Variants in DPP6 observed in about 807,000 individuals in gnomAD.
DPP6 encodes dipeptidyl peptidase like 6.
A neutral mutation model predicts 122.6 loss-of-function variants in DPP6; 69 were observed. That is an observed-to-expected ratio of 0.56 (90% confidence interval 0.46 to 0.69). DPP6 has a LOEUF of 0.69. Among genes scored for constraint, DPP6 ranks in the 30% least tolerant of loss-of-function variants. The pLI is 0.00. For missense variants in DPP6, 928 were observed against 1,116.9 expected (o/e 0.83, Z 2.41); for synonymous variants, 418 against 433.1 (o/e 0.97, Z 0.43).
intron 7 of DPP6, among the ~76,000 whole-genome samples, chr7:154,725,760 A>G (rs1037360134): frequency 2.0e-5 from 3 of 152,160 alleles, no homozygotes; most frequent in Non-Finnish European, 2.9e-5. Flanking sequence ...TCCAGCATTA[A>G]CCCAAAAGTC....
chr7:154,078,887 A>AT (rs1365972964), intron 1 of DPP6, among the ~76,000 whole-genome samples: 2 of 146,416 alleles, frequency 1.4e-5, no homozygotes, highest in Non-Finnish European at 3.0e-5. Context: ...GATTTTTTAA[A>AT]TTTTTTTAAA....
chr7:154,220,426 A>G (rs904722385), intron 1 of DPP6, among the ~76,000 whole-genome samples: 1 of 152,196 alleles, frequency 6.6e-6, no homozygotes, highest in Non-Finnish European at 1.5e-5. Flanking sequence ...TAACTGGGGA[A>G]GGTGGGAGGA....
chr7:154,362,539 T>A (rs1586055984), intron 1 of DPP6, among the ~76,000 whole-genome samples: 1 of 151,906 alleles, frequency 6.6e-6, no homozygotes, highest in East Asian at 1.9e-4. Context: ...CTCAGCATCC[T>A]GAGTAGCTGG....
chr7:153,914,349 G>A (rs1800216554), intron 1 of DPP6, among the ~76,000 whole-genome samples: 2 of 152,060 alleles, frequency 1.3e-5, no homozygotes, highest in South Asian at 4.1e-4. Flanking sequence ...TTTTTCAGTA[G>A]CATGAGAACA....
chr7:154,220,392 A>T (rs1363456838), intron 1 of DPP6, among the ~76,000 whole-genome samples: 2 of 152,180 alleles, frequency 1.3e-5, no homozygotes, highest in Admixed American at 1.3e-4. Flanking sequence ...ACAAAAAAAG[A>T]TACAATAGAC....
chr7:153,857,557 T>C, the DPP6 span, among the ~76,000 whole-genome samples: 1 of 152,116 alleles, frequency 6.6e-6, no homozygotes, highest in Non-Finnish European at 1.5e-5. Context: ...CCGGAGAAGG[T>C]TTGGGGATAT....
rs769056037 is a variant in DPP6 at position 154,892,488 on chromosome 7, T to A, written c.*8T>A. On this transcript the variant is annotated 3_prime_UTR_variant, in exon 26 of 26. Transcript: ENST00000377770. The stretch of plus-strand genomic sequence containing the variant: ...GACGAGGAGGAGGACTAAGCTCAGG[T>A]CGCTCTAAGCACAAACGTGGCTCTT... 9.3e-6 allele frequency: 15 copies of A among 1,609,758 alleles called. No homozygotes were observed. The South Asian group carries it at 1.6e-4, about 18-fold the overall frequency.
intron 1 of DPP6, among the ~76,000 whole-genome samples, chr7:154,268,198 A>C (rs1803562472): frequency 6.6e-6 from 1 of 152,222 alleles, no homozygotes; most frequent in African/African-American, 2.4e-5. Context: ...CACCATCAAC[A>C]CTGTCTACAA....
chr7:154,550,758 TTTTTTTTTTGAGACGAA>T (rs1487783065), intron 4 of DPP6, among the ~76,000 whole-genome samples: 1 of 150,904 alleles, frequency 6.6e-6, no homozygotes, highest in Non-Finnish European at 1.5e-5. Context: ...CTTTTTTTTT[TTTTTTTTTTGAGACGAA>T]GTTTTGCTCT....
intron 1 of DPP6, among the ~76,000 whole-genome samples, chr7:154,126,242 T>G (rs1332484538): frequency 6.6e-6 from 1 of 152,132 alleles, no homozygotes; most frequent in East Asian, 1.9e-4. Flanking sequence ...GCATTTTGGT[T>G]GGTTGGTTGG....
At chr7:154,493,993 T>G (rs2151391935) in intron 3 of DPP6, among the ~76,000 whole-genome samples, 1 of 152,356 alleles carries the variant, frequency 6.6e-6, no homozygotes, top group African/African-American at 2.4e-5. Context: ...AGTTCTTATC[T>G]TACTTAGATG....
intron 4 of DPP6, among the ~76,000 whole-genome samples, chr7:154,542,472 A>G (rs1266738792): frequency 1.3e-5 from 2 of 152,240 alleles, no homozygotes; most frequent in Non-Finnish European, 2.9e-5. Context: ...AGCAGCACTT[A>G]GCAATGAAAT....
At chr7:153,797,492 ATACTG>A in the DPP6 span, among the ~76,000 whole-genome samples, 1 of 152,162 alleles carries the variant, frequency 6.6e-6, no homozygotes, top group Non-Finnish European at 1.5e-5. Flanking sequence ...AGTTCATAAT[ATACTG>A]TAGGAGGAAG....
chr7:154,615,921 C>T (rs1050359952), intron 5 of DPP6, among the ~76,000 whole-genome samples: 4 of 152,196 alleles, frequency 2.6e-5, no homozygotes, highest in East Asian at 3.8e-4. Context: ...GGTAAGTCTC[C>T]CTCTGCCTGA....
intron 1 of DPP6, among the ~76,000 whole-genome samples, chr7:154,311,457 G>A (rs529317095): frequency 2.6e-5 from 4 of 151,462 alleles, no homozygotes; most frequent in South Asian, 2.1e-4. Context: ...TGATCACACC[G>A]CTGAACTCTA....
chr7:153,999,183 A>G (rs6464378), intron 1 of DPP6, among the ~76,000 whole-genome samples: 20,607 of 152,156 alleles, frequency 0.14, 1,773 homozygotes, highest in African/African-American at 0.26. Context: ...ATGTGGGACA[A>G]TCTTCTCGAG....
At chr7:154,847,776 T>C (rs1438077654) in intron 16 of DPP6, among the ~76,000 whole-genome samples, 1 of 152,204 alleles carries the variant, frequency 6.6e-6, no homozygotes, top group Non-Finnish European at 1.5e-5. Flanking sequence ...TCCTCCCGTC[T>C]AACTGAAACT....
chr7:154,646,089 C>T (rs1265213712), intron 6 of DPP6, among the ~76,000 whole-genome samples: 2 of 149,188 alleles, frequency 1.3e-5, no homozygotes, highest in African/African-American at 2.5e-5. Context: ...CAAGACCTTC[C>T]ATAATATGGC....
chr7:154,008,818 C>A (rs1359575237), intron 1 of DPP6, among the ~76,000 whole-genome samples: 1 of 151,674 alleles, frequency 6.6e-6, no homozygotes, highest in Non-Finnish European at 1.5e-5. Context: ...CCCGCCACTA[C>A]GCCCGGCTAA....
Sources: allele counts gnomAD v4.1 joint callset (sites outside exome capture counted in the v4.1 genomes callset), GRCh38; gene constraint gnomAD v4.1.1; transcripts MANE v1.5; gene names NCBI Gene and HGNC (gene_info 2026-07-23, HGNC 2026-07-21).